SRD5A1: variants seen among roughly 807,000 people sequenced by gnomAD.
SRD5A1 encodes steroid 5 alpha-reductase 1.
A neutral mutation model predicts 28.2 loss-of-function variants in SRD5A1; 22 were observed. That is an observed-to-expected ratio of 0.78 (90% confidence interval 0.56 to 1.12). SRD5A1 has a LOEUF of 1.12. Ranked by LOEUF, SRD5A1 falls within the 50% of genes most tolerant of loss-of-function variation. The pLI, the probability that SRD5A1 is intolerant of heterozygous loss-of-function variation, is 0.00. For missense variants in SRD5A1, 300 were observed against 346.7 expected (o/e 0.87, Z 1.07); for synonymous variants, 151 against 135.0 (o/e 1.12, Z -0.82).
At chr5:6,657,015 A>C (rs1024207651) in intron 3 of SRD5A1, among the ~76,000 whole-genome samples, 3 of 152,256 alleles carry the variant, frequency 2.0e-5, no homozygotes, top group Admixed American at 1.3e-4. Flanking sequence ...AGTAAGAAGC[A>C]ATGTACCATA....
In SRD5A1 at chr5:6,671,374, T is replaced by C. The variant is rs962647567; in HGVS notation, c.*3106T>C. On this transcript the variant is annotated 3_prime_UTR_variant, in exon 5 of 5. Coordinates refer to ENST00000274192, the MANE Select transcript of SRD5A1 (RefSeq NM_001047.4). ...GATTGTTTGTTTTTTTCTTACTGAT[T>C]TGTTTGAGTTTGTTGTAGATTCTGG... 1.3e-5 allele frequency: 2 copies of C among 151,990 alleles called. No homozygotes were observed. Among genetic ancestry groups the C allele is most frequent in the Non-Finnish European group, 2.9e-5 (2 of 68,036 alleles). 9.4% of individuals were successfully genotyped at this position (151,990 alleles called of 1,614,324 possible).
intron 2 of SRD5A1, among the ~76,000 whole-genome samples, chr5:6,653,152 T>G (rs1738727734): frequency 6.6e-6 from 1 of 152,210 alleles, no homozygotes; most frequent in South Asian, 2.1e-4. Flanking sequence ...TAGTACTTTG[T>G]TGCTGAGAGA....
chr5:6,662,492 C>A (rs1739037045), intron 3 of SRD5A1, among the ~76,000 whole-genome samples: 1 of 152,210 alleles, frequency 6.6e-6, no homozygotes, highest in South Asian at 2.1e-4. Context: ...CTATCTAGGT[C>A]CATTTTACAT....
intron 4 of SRD5A1, 37 bp downstream of exon 4, chr5:6,663,003 T>C: frequency 6.2e-7 from 1 of 1,605,996 alleles, no homozygotes; most frequent in Non-Finnish European, 8.5e-7. Flanking sequence ...TGTAATTTGT[T>C]CTTTGACTAT....
intron 4 of SRD5A1, among the ~76,000 whole-genome samples, chr5:6,664,984 G>T (rs527306491): frequency 6.6e-6 from 1 of 152,400 alleles, no homozygotes; most frequent in East Asian, 1.9e-4. Context: ...CCAGGAATGG[G>T]CCTTCTGTGC....
intron 3 of SRD5A1, among the ~76,000 whole-genome samples, chr5:6,657,409 G>A (rs769552363): frequency 9.2e-5 from 14 of 152,238 alleles, no homozygotes; most frequent in African/African-American, 2.9e-4. Flanking sequence ...CCAAGGAGCC[G>A]CTTCCTCTGG....
intron 1 of SRD5A1, among the ~76,000 whole-genome samples, chr5:6,635,568 C>G (rs1023165530): frequency 6.6e-6 from 1 of 152,214 alleles, no homozygotes; most frequent in African/African-American, 2.4e-5. Context: ...CCTGTGGGAT[C>G]ACATGAATTT....
intron 3 of SRD5A1, among the ~76,000 whole-genome samples, chr5:6,657,965 C>G (rs1420085275): frequency 6.6e-6 from 1 of 152,226 alleles, no homozygotes; most frequent in African/African-American, 2.4e-5. Flanking sequence ...GCAAAACTTA[C>G]CTGAGCAGAA....
intron 1 of SRD5A1, 126 bp downstream of exon 1, chr5:6,633,995 C>T: frequency 3.9e-6 from 4 of 1,033,660 alleles, no homozygotes; most frequent in Non-Finnish European, 5.6e-6. Flanking sequence ...CCTGCCAGAT[C>T]CCCCGGGGCG....
At chr5:6,642,295 T>C (rs1189692908) in intron 1 of SRD5A1, among the ~76,000 whole-genome samples, 2 of 152,254 alleles carry the variant, frequency 1.3e-5, no homozygotes, top group African/African-American at 4.8e-5. Flanking sequence ...ATGTATATGA[T>C]TTTAATTGAG....
At chr5:6,665,110 T>G (rs942561851) in intron 4 of SRD5A1, among the ~76,000 whole-genome samples, 4 of 152,154 alleles carry the variant, frequency 2.6e-5, no homozygotes, top group Non-Finnish European at 4.4e-5. Context: ...TGGATAGACG[T>G]ACACCAGGTG....
chr5:6,655,546 C>T (rs8192202), intron 2 of SRD5A1, among the ~76,000 whole-genome samples: 2 of 152,160 alleles, frequency 1.3e-5, no homozygotes, highest in Non-Finnish European at 1.5e-5. Flanking sequence ...AACATAGATG[C>T]GCATTAATTT....
At chr5:6,651,045 G>A (rs1032965934) in intron 1 of SRD5A1, among the ~76,000 whole-genome samples, 2 of 152,078 alleles carry the variant, frequency 1.3e-5, no homozygotes, top group Admixed American at 6.6e-5. Flanking sequence ...TATCAAATGT[G>A]GATAAGAGTG....
intron 1 of SRD5A1, among the ~76,000 whole-genome samples, chr5:6,651,450 A>T (rs955586868): frequency 1.3e-5 from 2 of 152,204 alleles, no homozygotes; most frequent in African/African-American, 2.4e-5. Flanking sequence ...TTGAGGTCGA[A>T]GTTTGAGACC....
chr5:6,661,408 AAAG>A (rs1361929026), intron 3 of SRD5A1, among the ~76,000 whole-genome samples: 3 of 151,282 alleles, frequency 2.0e-5, no homozygotes, highest in South Asian at 4.2e-4. Context: ...AAAAAAAAAA[AAAG>A]GTAGCCAAAA....
chr5:6,663,061 G>T, intron 4 of SRD5A1, 95 bp downstream of exon 4: 1 of 1,450,546 alleles, frequency 6.9e-7, no homozygotes, highest in Non-Finnish European at 9.4e-7. Context: ...AATTTAAATC[G>T]CTGAATTCCA....
intron 1 of SRD5A1, among the ~76,000 whole-genome samples, chr5:6,650,792 C>G (rs8192183): frequency 7.5e-6 from 1 of 132,720 alleles, no homozygotes; most frequent in Non-Finnish European, 1.6e-5. Context: ...TCCCTCCCCC[C>G]TCCCCCCCAC....
chr5:6,655,431 G>A (rs1332211262), intron 2 of SRD5A1, among the ~76,000 whole-genome samples: 1 of 152,224 alleles, frequency 6.6e-6, no homozygotes, highest in African/African-American at 2.4e-5. Context: ...GGATTCTGGG[G>A]AGAACCATGC....
intron 1 of SRD5A1, chr5:6,645,088 T>C (rs1206582590): frequency 2.3e-6 from 1 of 430,978 alleles, no homozygotes; most frequent in South Asian, 1.7e-5. Context: ...GATGAGAACC[T>C]TGGAGGCTGC....
Sources: gnomAD v4.1 joint callset for allele counts (sites outside exome capture counted in the v4.1 genomes callset) on GRCh38, gnomAD v4.1.1 for gene constraint, MANE v1.5 for transcripts, NCBI Gene and HGNC (gene_info 2026-07-23, HGNC 2026-07-21) for gene names.